CACNA1C: variants seen among roughly 807,000 people sequenced by gnomAD.
CACNA1C encodes the protein calcium voltage-gated channel subunit alpha1 C, also known as voltage-dependent L-type calcium channel subunit alpha-1C.
CACNA1C carries 30 observed loss-of-function variants against 229.0 expected under a neutral mutation model. The observed-to-expected ratio is 0.13, with a 90% confidence interval of 0.10 to 0.18. The LOEUF (loss-of-function observed/expected upper bound fraction) is 0.18. Among genes scored for constraint, CACNA1C ranks in the 10% least tolerant of loss-of-function variants. CACNA1C has a pLI of 1.00. For missense variants in CACNA1C, 1,658 were observed against 2,845.0 expected (o/e 0.58, Z 9.49); for synonymous variants, 1,114 against 1,132.5 (o/e 0.98, Z 0.33).
At chr12:2,300,769 G>A (rs1235498777) in intron 3 of CACNA1C, among the ~76,000 whole-genome samples, 2 of 152,198 alleles carry the variant, frequency 1.3e-5, no homozygotes, top group Non-Finnish European at 2.9e-5. Context: ...TGTGTCACTA[G>A]GACTCTCCAG....
chr12:2,164,289 A>G (rs1012009365), intron 3 of CACNA1C, among the ~76,000 whole-genome samples: 1 of 152,234 alleles, frequency 6.6e-6, no homozygotes, highest in African/African-American at 2.4e-5. Context: ...TGTGCTGGGT[A>G]CACATGAAGG....
chr12:2,687,478 G>T (rs1274912809), intron 45 of CACNA1C, among the ~76,000 whole-genome samples: 1 of 151,968 alleles, frequency 6.6e-6, no homozygotes, highest in African/African-American at 2.4e-5. Context: ...AGCCAGACAG[G>T]CCTGGTCCCT....
intron 9 of CACNA1C, among the ~76,000 whole-genome samples, chr12:2,543,540 T>G (rs529781310): frequency 6.6e-6 from 1 of 152,350 alleles, no homozygotes; most frequent in African/African-American, 2.4e-5. Flanking sequence ...CAAACACCAT[T>G]TCACCATTTG....
At chr12:2,267,264 C>T (rs2082743349) in intron 3 of CACNA1C, among the ~76,000 whole-genome samples, 1 of 152,196 alleles carries the variant, frequency 6.6e-6, no homozygotes, top group South Asian at 2.1e-4. Flanking sequence ...TCAGTTCCTT[C>T]ACCTGAACTC....
intron 10 of CACNA1C, among the ~76,000 whole-genome samples, chr12:2,551,811 T>A (rs73048210): frequency 0.093 from 14,141 of 151,444 alleles, 741 homozygotes; most frequent in Middle Eastern, 0.15. Context: ...CGGGTGCAGG[T>A]AATGAAGAGG....
chr12:2,442,056 G>A (rs1483851888), intron 3 of CACNA1C, among the ~76,000 whole-genome samples: 1 of 152,280 alleles, frequency 6.6e-6, no homozygotes, highest in South Asian at 2.1e-4. Context: ...CTTGTCCAAG[G>A]ATGTGCAGCC....
chr12:2,377,049 C>A (rs573734508), intron 3 of CACNA1C, among the ~76,000 whole-genome samples: 6 of 152,090 alleles, frequency 3.9e-5, no homozygotes, highest in Non-Finnish European at 8.8e-5. Flanking sequence ...TCTTGGCAGC[C>A]CCAGGGTAAT....
intron 1 of CACNA1C, among the ~76,000 whole-genome samples, chr12:2,084,980 TC>T (rs1389597545): frequency 3.9e-5 from 6 of 152,224 alleles, no homozygotes; most frequent in Non-Finnish European, 7.3e-5. Flanking sequence ...TACTAGCTAT[TC>T]CTCCCAGATT....
intron 3 of CACNA1C, among the ~76,000 whole-genome samples, chr12:2,166,387 T>G (rs78676549): frequency 0.017 from 2,593 of 152,318 alleles, 73 homozygotes; most frequent in African/African-American, 0.059. Flanking sequence ...CATTGGCTGA[T>G]CAATTCTTCA....
At chr12:2,362,545 C>T (rs756572019) in intron 3 of CACNA1C, among the ~76,000 whole-genome samples, 3 of 152,204 alleles carry the variant, frequency 2.0e-5, no homozygotes, top group Non-Finnish European at 4.4e-5. Flanking sequence ...TTCAAGACAA[C>T]ACTTGTTCTC....
chr12:2,259,678 G>C (rs2079305307), intron 3 of CACNA1C, among the ~76,000 whole-genome samples: 1 of 152,216 alleles, frequency 6.6e-6, no homozygotes, highest in South Asian at 2.1e-4. Flanking sequence ...ATGTAATGCA[G>C]AGCAGGAGCT....
In CACNA1C at chr12:2,287,873, A is replaced by G. The variant is rs2154446865; in HGVS notation, c.478-161103A>G. ...TTTGGAAATCACGATTATGAACAGGAATCAGAATTTCTGAAGATGTGGCCT... is the reference window on the plus strand; with the variant it reads ...TTTGGAAATCACGATTATGAACAGGGATCAGAATTTCTGAAGATGTGGCCT... On this transcript the variant is annotated intron_variant, in intron 3 of 46. Coordinates refer to ENST00000399655, the MANE Select transcript of CACNA1C (RefSeq NM_000719.7). This position sits in a 1 kb window ranked among gnomAD's most constrained non-coding sequence, Gnocchi z 4.6. The G allele has an allele frequency of 6.6e-6, 1 of 152,278 alleles. No homozygotes were observed. The highest frequency in any genetic ancestry group is 1.5e-5 in the Non-Finnish European group (1 of 68,018). The allele number at this position is 152,278 out of a possible 1,614,324, so 9.4% of individuals were successfully genotyped here. A position where few individuals can be genotyped will look rare whatever the true frequency, so the allele number is the denominator to read the frequency against.
intron 3 of CACNA1C, among the ~76,000 whole-genome samples, chr12:2,210,789 C>T (rs1211896626): frequency 6.6e-6 from 1 of 152,202 alleles, no homozygotes; most frequent in Non-Finnish European, 1.5e-5. Context: ...TCTTGATCAT[C>T]TGCCAGGACC....
chr12:2,669,176 C>T, intron 38 of CACNA1C, 141 bp downstream of exon 38: 1 of 680,242 alleles, frequency 1.5e-6, no homozygotes, highest in Non-Finnish European at 2.7e-6. Flanking sequence ...GTAACGTGCG[C>T]TCCAGGACAT....
intron 3 of CACNA1C, among the ~76,000 whole-genome samples, chr12:2,230,176 C>A (rs1157185636): frequency 6.6e-6 from 1 of 152,118 alleles, no homozygotes; most frequent in Non-Finnish European, 1.5e-5. Flanking sequence ...GAGCCGCGGG[C>A]AGGCAGTGAG....
chr12:2,601,684 T>C lies in CACNA1C; in HGVS notation c.2854-170T>C, dbSNP rs1176972871. Among the ~76,000 whole-genome samples, 1 of 152,210 alleles carries C rather than the reference T, an allele frequency of 6.6e-6. No homozygotes were observed. The highest frequency in any genetic ancestry group is 2.4e-5 in the African/African-American group (1 of 41,460). On this transcript the variant is annotated intron_variant, in intron 21 of 46. Transcript: ENST00000399655. The surrounding 1 kb of genome is among the most constrained non-coding windows in gnomAD (Gnocchi z 5.9). ...GAGTCTTGGGTGGTTGTGTGCATGG[T>C]AGCAGAACTCTTTTCTTGGCACCAT...
Position 2,633,822 on chromosome 12 carries a change from A to C in CACNA1C, c.3829-475A>C. 1.4e-6 allele frequency: 1 copy of C among 698,838 alleles called. No individual in the cohort carries two copies. Among genetic ancestry groups the C allele is most frequent in the Admixed American group, 2.8e-5 (1 of 36,138 alleles). The allele number at this position is 698,838 out of a possible 1,614,324, so 43.3% of individuals were successfully genotyped here. A position where few individuals can be genotyped will look rare whatever the true frequency, so the allele number is the denominator to read the frequency against. On this transcript the variant is annotated intron_variant, in intron 29 of 46. Coordinates refer to ENST00000399655, the MANE Select transcript of CACNA1C (RefSeq NM_000719.7). This position sits in a 1 kb window ranked among gnomAD's most constrained non-coding sequence, Gnocchi z 5.8. ...TTTACCTTCTTTTATGTTTTTTTTA[A>C]TTTCCTGTTTTTACCCGCCTCCAGT...
chr12:2,021,401 G>A (rs559534985), intron 1 of CACNA1C, among the ~76,000 whole-genome samples: 9 of 152,096 alleles, frequency 5.9e-5, no homozygotes, highest in South Asian at 2.1e-4. Context: ...CATTTTTGCC[G>A]GGCACTATGG....
In CACNA1C at chr12:2,646,133, T is replaced by A. The variant is rs2094331598; in HGVS notation, c.3913-2342T>A. Among the ~76,000 whole-genome samples the A allele has an allele frequency of 6.6e-6, 1 of 152,144 alleles. No individual in the cohort carries two copies. Among genetic ancestry groups the A allele is most frequent in the African/African-American group, 2.4e-5 (1 of 41,410 alleles). ...ACAGATCCAAAGTCAAGTCTTGAAGTGAAATATGACTTAAATAAATGAGGT... is the reference window on the plus strand; with the variant it reads ...ACAGATCCAAAGTCAAGTCTTGAAGAGAAATATGACTTAAATAAATGAGGT... On this transcript the variant is annotated intron_variant, in intron 30 of 46. Coordinates refer to ENST00000399655, the MANE Select transcript of CACNA1C (RefSeq NM_000719.7). This position sits in a 1 kb window ranked among gnomAD's most constrained non-coding sequence, Gnocchi z 4.6.
Sources: gnomAD v4.1 joint callset for allele counts (sites outside exome capture counted in the v4.1 genomes callset) on GRCh38, gnomAD v4.1.1 for gene constraint, Gnocchi (gnomAD v3.1) non-coding constraint, MANE v1.5 for transcripts, NCBI Gene and HGNC (gene_info 2026-07-23, HGNC 2026-07-21) for gene names.